Variants in CDH13 observed in about 807,000 individuals in gnomAD.
CDH13 encodes cadherin-13.
In CDH13, 24 loss-of-function variants were observed where a neutral mutation model predicts 63.8. That is an observed-to-expected ratio of 0.38 (90% CI 0.27 to 0.53). CDH13 has a LOEUF of 0.53. CDH13 is among the 20% of genes least tolerant of loss of function. The pLI is 0.85. For synonymous variants in CDH13, 503 were observed against 355.3 expected (o/e 1.42, Z -4.67); for missense variants, 1,049 against 903.1 (o/e 1.16, Z -2.07).
At chr16:83,201,276 G>C (rs1298060925) in intron 4 of CDH13, among the ~76,000 whole-genome samples, 1 of 152,092 alleles carries the variant, frequency 6.6e-6, no homozygotes, top group Non-Finnish European at 1.5e-5. Flanking sequence ...ATTCCTGCTA[G>C]CACAGTTTAT....
intron 6 of CDH13, among the ~76,000 whole-genome samples, chr16:83,484,905 G>T (rs1021524702): frequency 1.3e-5 from 2 of 152,132 alleles, no homozygotes; most frequent in East Asian, 3.8e-4. Flanking sequence ...GTTTGAGAAC[G>T]CTGATTCCAT....
At chr16:83,417,889 A>C (rs536196588) in intron 6 of CDH13, among the ~76,000 whole-genome samples, 1 of 152,258 alleles carries the variant, frequency 6.6e-6, no homozygotes, top group East Asian at 1.9e-4. Flanking sequence ...AGTCAACTGG[A>C]GAGAGAGAGA....
At chr16:82,686,885 G>A (rs1915128746) in intron 1 of CDH13, among the ~76,000 whole-genome samples, 1 of 152,202 alleles carries the variant, frequency 6.6e-6, no homozygotes, top group African/African-American at 2.4e-5. Flanking sequence ...GCTACAACAG[G>A]AGAATTCTTC....
chr16:83,019,668 G>A (rs72794176), intron 2 of CDH13, among the ~76,000 whole-genome samples: 18,250 of 150,842 alleles, frequency 0.12, 1,337 homozygotes, highest in East Asian at 0.23. Context: ...GCTAATTTTT[G>A]CATGTTTTGT....
At chr16:82,633,144 GGCCT>G (rs1368742340) in intron 1 of CDH13, among the ~76,000 whole-genome samples, 2 of 152,166 alleles carry the variant, frequency 1.3e-5, no homozygotes, top group Non-Finnish European at 2.9e-5. Flanking sequence ...ACTGGCCTGT[GGCCT>G]GGAGGTTGGG....
Position 83,553,164 on chromosome 16 carries a change from C to T in CDH13, c.961-49290C>T, listed in dbSNP as rs529762339. ...TACAGCTGTTCAATGTAGCATTTTA[C>T]GGTATTCGGTGGAAACTCTAATGTA... is the stretch of plus-strand genomic sequence containing the variant. On this transcript the variant is annotated intron_variant, in intron 7 of 13. Coordinates refer to ENST00000567109, the MANE Select transcript of CDH13 (RefSeq NM_001257.5). Among the ~76,000 whole-genome samples, 93 of 151,876 alleles carry T rather than the reference C, an allele frequency of 6.1e-4. No individual in the cohort carries two copies. In the Middle Eastern group the frequency reaches 0.017, roughly 29 times the overall value.
chr16:83,047,898 G>C lies in CDH13; in HGVS notation c.366+15680G>C, dbSNP rs753515887. Reference sequence around the variant, plus strand: ...ATTTTACAGGTGAATAAAGGAAGACGGGGAGACTATGTGTGACCAGCACAG... The same window carrying C: ...ATTTTACAGGTGAATAAAGGAAGACCGGGAGACTATGTGTGACCAGCACAG... On this transcript the variant is annotated intron_variant, in intron 3 of 13. Transcript: ENST00000567109. This position sits in a 1 kb window ranked among gnomAD's most constrained non-coding sequence, Gnocchi z 4.9. Among the ~76,000 whole-genome samples the C allele has an allele frequency of 6.6e-6, 1 of 152,120 alleles. No individual in the cohort carries two copies. Among genetic ancestry groups the C allele is most frequent in the Non-Finnish European group, 1.5e-5 (1 of 68,034 alleles).
intron 2 of CDH13, among the ~76,000 whole-genome samples, chr16:82,995,501 G>T (rs1912104372): frequency 6.6e-6 from 1 of 152,172 alleles, no homozygotes; most frequent in Non-Finnish European, 1.5e-5. Flanking sequence ...AGGGTAACAT[G>T]GAAGAGATGG....
intron 6 of CDH13, among the ~76,000 whole-genome samples, chr16:83,466,839 T>G (rs973726318): frequency 4.6e-5 from 7 of 152,212 alleles, no homozygotes; most frequent in Non-Finnish European, 8.8e-5. Context: ...TTCCTTTCTT[T>G]CTTTGTATCA....
intron 11 of CDH13, among the ~76,000 whole-genome samples, chr16:83,767,288 G>T (rs28666555): frequency 0.22 from 33,064 of 151,828 alleles, 4,361 homozygotes; most frequent in African/African-American, 0.37. Flanking sequence ...AAGTGTCGAG[G>T]GTGGGGCCAT....
intron 4 of CDH13, among the ~76,000 whole-genome samples, chr16:83,188,041 G>A (rs2038580015): frequency 6.6e-6 from 1 of 152,208 alleles, no homozygotes; most frequent in African/African-American, 2.4e-5. Context: ...CTGAAGCAGA[G>A]GGAGCAAGGG....
chr16:83,319,693 G>C (rs2090179712), intron 5 of CDH13, among the ~76,000 whole-genome samples: 3 of 152,186 alleles, frequency 2.0e-5, no homozygotes, highest in South Asian at 4.1e-4. Flanking sequence ...ATGCAAAGTT[G>C]TGACAGGAAC....
intron 10 of CDH13, among the ~76,000 whole-genome samples, chr16:83,743,687 A>G (rs1477004700): frequency 6.8e-6 from 1 of 147,856 alleles, no homozygotes; most frequent in Non-Finnish European, 1.5e-5. Flanking sequence ...TTGAACCACT[A>G]CCAATCACTC....
chr16:82,630,329 AAT>A (rs919061472), intron 1 of CDH13, among the ~76,000 whole-genome samples: 1 of 152,128 alleles, frequency 6.6e-6, no homozygotes, highest in African/African-American at 2.4e-5. Context: ...CACCTGTCTG[AAT>A]ATTTTTTTTT....
chr16:83,318,901 A>C (rs115666559), intron 5 of CDH13, among the ~76,000 whole-genome samples: 3,171 of 152,160 alleles, frequency 0.021, 116 homozygotes, highest in African/African-American at 0.069. Flanking sequence ...GATAGGGAAG[A>C]CCTTGTCCCT....
At chr16:82,811,026 A>G (rs1228767920) in intron 1 of CDH13, among the ~76,000 whole-genome samples, 4 of 152,156 alleles carry the variant, frequency 2.6e-5, no homozygotes, top group African/African-American at 9.7e-5. Context: ...GTTCAGGTGC[A>G]TAGATTAAAA....
At chr16:83,056,741 G>A (rs1172675604) in intron 3 of CDH13, among the ~76,000 whole-genome samples, 1 of 152,132 alleles carries the variant, frequency 6.6e-6, no homozygotes, top group African/African-American at 2.4e-5. Context: ...GGATCCAGTG[G>A]CAGGTAATTG....
chr16:83,793,812 T>TAA (rs201145847), intron 13 of CDH13, among the ~76,000 whole-genome samples: 1 of 142,238 alleles, frequency 7.0e-6, no homozygotes, highest in Middle Eastern at 3.3e-3. Context: ...ACTCTGTCTC[T>TAA]AAAAAAAAAA....
intron 3 of CDH13, among the ~76,000 whole-genome samples, chr16:83,070,530 C>T (rs1337885381): frequency 6.6e-6 from 1 of 151,762 alleles, no homozygotes; most frequent in Non-Finnish European, 1.5e-5. Flanking sequence ...AGCCTTGGTG[C>T]AGTATTAAAA....
Sources: gnomAD v4.1 joint callset for allele counts (sites outside exome capture counted in the v4.1 genomes callset) on GRCh38, gnomAD v4.1.1 for gene constraint, Gnocchi (gnomAD v3.1) non-coding constraint, MANE v1.5 for transcripts, NCBI Gene and HGNC (gene_info 2026-07-23, HGNC 2026-07-21) for gene names.